The following RHAG variants were observed in gnomAD, a reference collection of about 807,000 sequenced individuals.
RHAG encodes Rh associated glycoprotein.
Under a neutral mutation model 42.4 loss-of-function variants are expected in RHAG, and 25 were observed. That is an observed-to-expected ratio of 0.59 (90% confidence interval 0.43 to 0.82). The LOEUF (loss-of-function observed/expected upper bound fraction) is 0.82. Ranked by LOEUF, RHAG falls within the 40% of genes least tolerant of loss-of-function variation. The pLI, the probability that RHAG is intolerant of heterozygous loss-of-function variation, is 0.00. For missense variants in RHAG, 483 were observed against 504.6 expected (o/e 0.96, Z 0.41); for synonymous variants, 182 against 177.7 (o/e 1.02, Z -0.19).
intron 4 of RHAG, 91 bp from the exon 5 acceptor site, chr6:49,614,944 ATTTG>A (rs1762629670): frequency 4.2e-6 from 5 of 1,192,186 alleles, no homozygotes; most frequent in African/African-American, 1.5e-5. Flanking sequence ...TTACTTATTT[ATTTG>A]TTTATTTATT....
chr6:49,629,925 C>G (rs1762909254), intron 1 of RHAG, among the ~76,000 whole-genome samples: 1 of 152,210 alleles, frequency 6.6e-6, no homozygotes, highest in Non-Finnish European at 1.5e-5. Context: ...CCGCTCGCGC[C>G]TCTCCCTCCA....
chr6:49,622,279 C>T (rs1396445977), intron 1 of RHAG, among the ~76,000 whole-genome samples: 2 of 146,848 alleles, frequency 1.4e-5, no homozygotes, highest in Non-Finnish European at 3.0e-5. Flanking sequence ...TGCAGTGGTG[C>T]GATCTTGGCT....
intron 9 of RHAG, 86 bp downstream of exon 9, chr6:49,606,762 G>A: frequency 1.1e-6 from 1 of 914,538 alleles, no homozygotes; most frequent in Non-Finnish European, 1.8e-6. Context: ...TCACACCTAT[G>A]CACACAGATA....
chr6:49,609,369 C>G (rs1419466982), intron 7 of RHAG, among the ~76,000 whole-genome samples: 1 of 152,130 alleles, frequency 6.6e-6, no homozygotes, highest in African/African-American at 2.4e-5. Flanking sequence ...CTTTTGAGAG[C>G]CAGATAGACG....
chr6:49,610,966 A>G, intron 7 of RHAG, 58 bp downstream of exon 7: 2 of 1,605,720 alleles, frequency 1.2e-6, no homozygotes, highest in Non-Finnish European at 1.7e-6. Context: ...CCCATTTCTC[A>G]GAGTGAGAGA....
chr6:49,628,541 G>C (rs890912164), intron 1 of RHAG, among the ~76,000 whole-genome samples: 2 of 152,080 alleles, frequency 1.3e-5, no homozygotes, highest in East Asian at 1.9e-4. Flanking sequence ...CTGATGTTCC[G>C]ATGCGTTCGG....
At chr6:49,610,970 TGA>T in intron 7 of RHAG, 52 bp downstream of exon 7, 1 of 1,609,472 alleles carries the variant, frequency 6.2e-7, no homozygotes, top group Non-Finnish European at 8.5e-7. Flanking sequence ...TTTCTCAGAG[TGA>T]GAGAAAACAT....
At chr6:49,628,685 C>A (rs987586166) in intron 1 of RHAG, among the ~76,000 whole-genome samples, 8 of 151,818 alleles carry the variant, frequency 5.3e-5, no homozygotes, top group African/African-American at 1.9e-4. Flanking sequence ...CATGGTCTCG[C>A]TGGCTTCAGG....
intron 8 of RHAG, 58 bp downstream of exon 8, chr6:49,607,092 C>T: frequency 7.0e-7 from 1 of 1,429,276 alleles, no homozygotes; most frequent in Non-Finnish European, 9.9e-7. Context: ...CATTAATTAT[C>T]TATTGTAAAT....
chr6:49,612,197 C>A (rs896014789), intron 6 of RHAG, among the ~76,000 whole-genome samples, 200 bp downstream of exon 6: 4 of 152,196 alleles, frequency 2.6e-5, no homozygotes, highest in Non-Finnish European at 2.9e-5. Context: ...ATACTGGATT[C>A]TTTCCTGTTA....
In RHAG at chr6:49,619,293, C is replaced by A; in HGVS notation, c.227G>T (p.Gly76Val). 6.2e-7 allele frequency: 1 copy of A among 1,614,010 alleles called. No homozygotes were observed. Among genetic ancestry groups the A allele is most frequent in the Non-Finnish European group, 8.5e-7 (1 of 1,179,942 alleles). Residue 76 changes from glycine to valine, a missense_variant, in exon 2 of 10, where the codon GGC (glycine) becomes GTC (valine). Gly to Val is a moderately radical substitution (Grantham distance 109). Transcript: ENST00000371175. ...GFLMTFLKKY[G>V]FSSVGINLLV... ...TAGGTTGATACCCACACTGCTGAAG[C>A]CATATTTCTTCAGGAAGGTCATGAG... is the stretch of plus-strand genomic sequence containing the variant.
chr6:49,618,596 T>C (rs1001461665), intron 2 of RHAG, among the ~76,000 whole-genome samples: 3 of 152,050 alleles, frequency 2.0e-5, no homozygotes, highest in Admixed American at 1.3e-4. Context: ...TGGAAGAGGG[T>C]TTCTCATATC....
intron 1 of RHAG, among the ~76,000 whole-genome samples, chr6:49,630,046 C>T (rs970183594): frequency 1.3e-5 from 2 of 152,328 alleles, no homozygotes; most frequent in Non-Finnish European, 1.5e-5. Context: ...AAAGTGGGAG[C>T]CTAGGCAGAG....
intron 1 of RHAG, among the ~76,000 whole-genome samples, chr6:49,628,330 C>G (rs181144835): frequency 6.6e-6 from 1 of 152,134 alleles, no homozygotes; most frequent in South Asian, 2.1e-4. Flanking sequence ...TGTTTTGTAG[C>G]GACAGGGTCT....
intron 1 of RHAG, among the ~76,000 whole-genome samples, chr6:49,631,501 T>C (rs1180690842): frequency 6.6e-6 from 1 of 152,314 alleles, no homozygotes; most frequent in African/African-American, 2.4e-5. Context: ...TACCATTATG[T>C]CATTATTATT....
At chr6:49,627,130 G>C (rs1052597557) in intron 1 of RHAG, among the ~76,000 whole-genome samples, 16 of 152,200 alleles carry the variant, frequency 1.1e-4, no homozygotes, top group African/African-American at 3.1e-4. Context: ...GGGAACATTT[G>C]GCTCCTGGTT....
chr6:49,605,918 AT>A, intron 9 of RHAG, 88 bp from the exon 10 acceptor site: 1 of 1,085,164 alleles, frequency 9.2e-7, no homozygotes, highest in Non-Finnish European at 1.4e-6. Context: ...ATTTTTGGTA[AT>A]TATTATTCAA....
At chr6:49,608,323 T>C (rs1762508197) in intron 7 of RHAG, among the ~76,000 whole-genome samples, 1 of 152,204 alleles carries the variant, frequency 6.6e-6, no homozygotes. Context: ...TATGAACTTG[T>C]CTGATTATTT....
Position 49,614,677 on chromosome 6 carries a change from C to A in RHAG, c.807+10G>T, listed in dbSNP as rs774766328. 1 of 1,612,960 alleles carries A rather than the reference C, an allele frequency of 6.2e-7. No homozygotes were observed. ...AGCAAAATTTCCATGAGGGCTAAGGCGGCACTTACCATGTTGAGCTTGCCT... is the reference window on the plus strand; with the variant it reads ...AGCAAAATTTCCATGAGGGCTAAGGAGGCACTTACCATGTTGAGCTTGCCT... On this transcript the variant is annotated intron_variant, in intron 5 of 9. Transcript: ENST00000371175.
Sources: gnomAD v4.1 joint callset for allele counts (sites outside exome capture counted in the v4.1 genomes callset) on GRCh38, gnomAD v4.1.1 for gene constraint, MANE v1.5 for transcripts, NCBI Gene and HGNC (gene_info 2026-07-23, HGNC 2026-07-21) for gene names.